Variants in PAICS observed in about 807,000 individuals in gnomAD.
The protein encoded by PAICS is phosphoribosylaminoimidazole carboxylase and phosphoribosylaminoimidazolesuccinocarboxamide synthase, also known as bifunctional phosphoribosylaminoimidazole carboxylase/phosphoribosylaminoimidazole succinocarboxamide synthetase.
PAICS carries 33 observed loss-of-function variants against 53.7 expected under a neutral mutation model. That is an observed-to-expected ratio of 0.61 (90% CI 0.47 to 0.82). The LOEUF is 0.82. Ranked by LOEUF, PAICS falls within the 40% of genes least tolerant of loss-of-function variation. PAICS has a pLI of 0.00. For synonymous variants in PAICS, 141 were observed against 167.2 expected, an observed-to-expected ratio of 0.84 and a Z score of 1.21; for missense variants, 394 against 494.1, an observed-to-expected ratio of 0.80 and a Z score of 1.92.
At chr4:56,443,761 T>G (rs1324548868) in intron 2 of PAICS, among the ~76,000 whole-genome samples, 1 of 152,194 alleles carries the variant, frequency 6.6e-6, no homozygotes, top group Non-Finnish European at 1.5e-5. Flanking sequence ...GTGACTCAGT[T>G]GTGTTATGTT....
chr4:56,435,433 G>A (rs774868196), upstream of PAICS: 6 of 1,613,830 alleles, frequency 3.7e-6, no homozygotes, highest in East Asian at 6.7e-5. Context: ...CGATGCACCC[G>A]AACACGCCAC....
chr4:56,415,204 CAATAA>C, the PAICS span, among the ~76,000 whole-genome samples: 2 of 151,892 alleles, frequency 1.3e-5, no homozygotes, highest in Admixed American at 6.6e-5. Flanking sequence ...TTTTGTTACT[CAATAA>C]AATAGAAGTG....
At chr4:56,456,605 C>A (rs1372701117) in intron 8 of PAICS, among the ~76,000 whole-genome samples, 1 of 151,856 alleles carries the variant, frequency 6.6e-6, no homozygotes, top group East Asian at 1.9e-4. Context: ...GATGGGCACT[C>A]CGTATGTTGT....
chr4:56,429,961 T>C, the PAICS span, among the ~76,000 whole-genome samples: 1 of 152,176 alleles, frequency 6.6e-6, no homozygotes, highest in Non-Finnish European at 1.5e-5. Flanking sequence ...TAGTCCATTG[T>C]AAAAATATAC....
At chr4:56,435,471 G>C (rs1717856786), upstream of PAICS, 1 of 1,613,370 alleles carries the variant, frequency 6.2e-7, no homozygotes, top group African/African-American at 1.3e-5. Context: ...AACTCCTCCA[G>C]CTCCATGTCG....
At chr4:56,423,868 T>C in the PAICS span, among the ~76,000 whole-genome samples, 3 of 152,148 alleles carry the variant, frequency 2.0e-5, no homozygotes, top group Non-Finnish European at 2.9e-5. Context: ...GGATTTTAGG[T>C]ACACCTGCAA....
At chr4:56,435,276 G>A (rs867835233), upstream of PAICS, 7 of 1,595,482 alleles carry the variant, frequency 4.4e-6, no homozygotes, top group African/African-American at 2.7e-5. Flanking sequence ...GGGCGCTCAT[G>A]AGAACGCCGA....
At chr4:56,442,028 G>A (rs886576623) in intron 2 of PAICS, 168 bp downstream of exon 2, 3 of 527,514 alleles carry the variant, frequency 5.7e-6, no homozygotes, top group Non-Finnish European at 1.0e-5. Context: ...CACCTTATTT[G>A]GTTTGGGATT....
Position 56,450,489 on chromosome 4 carries a change from G to C in PAICS, c.688-130G>C, listed in dbSNP as rs1341111631. The C allele has an allele frequency of 5.0e-6, 3 of 599,274 alleles. No individual in the cohort carries two copies. The African/African-American group carries it at 5.6e-5, about 11-fold the overall frequency. The allele number at this position is 599,274 out of a possible 1,614,324, so 37.1% of individuals were successfully genotyped here. A position where few individuals can be genotyped will look rare whatever the true frequency, so the allele number is the denominator to read the frequency against. On this transcript the variant is annotated intron_variant, in intron 5 of 8. Transcript: ENST00000512576. ...ACTTTGTTAGTTTAATTCAGGAAGT[G>C]AAAAGATGCATTTTCAGAAGTATCC... is the stretch of plus-strand genomic sequence containing the variant.
intron 8 of PAICS, among the ~76,000 whole-genome samples, chr4:56,455,417 T>C (rs1279480095): frequency 6.6e-6 from 1 of 152,198 alleles, no homozygotes; most frequent in African/African-American, 2.4e-5. Context: ...TCCAGTGGAC[T>C]GGCTTCTCTC....
chr4:56,433,407 A>AG (rs1167402105), upstream of PAICS, among the ~76,000 whole-genome samples: 4 of 149,608 alleles, frequency 2.7e-5, no homozygotes, highest in African/African-American at 1.0e-4. Flanking sequence ...TAAAAAAAAA[A>AG]AAAAAGAAAA....
chr4:56,410,594 C>G, the PAICS span: 11 of 985,690 alleles, frequency 1.1e-5, no homozygotes, highest in African/African-American at 1.9e-4. Context: ...AAAAAATATA[C>G]GAAAACAACT....
the PAICS span, among the ~76,000 whole-genome samples, chr4:56,413,292 T>G: frequency 5.9e-5 from 9 of 152,182 alleles, no homozygotes; most frequent in African/African-American, 2.2e-4. Context: ...GAGCTGGGAT[T>G]AGAGGCGCAA....
At chr4:56,436,028 G>GC, upstream of PAICS, 6 of 1,521,276 alleles carry the variant, frequency 3.9e-6, no homozygotes, top group Non-Finnish European at 5.3e-6. Flanking sequence ...GCCACTTTTC[G>GC]CCTGTCCGGG....
At chr4:56,412,513 G>T in the PAICS span, among the ~76,000 whole-genome samples, 1 of 151,998 alleles carries the variant, frequency 6.6e-6, no homozygotes, top group Non-Finnish European at 1.5e-5. Context: ...TGTTGCCCTG[G>T]CTGGTCTTGA....
At chr4:56,458,552 G>C (rs2110101323) in intron 8 of PAICS, among the ~76,000 whole-genome samples, 1 of 152,256 alleles carries the variant, frequency 6.6e-6, no homozygotes, top group African/African-American at 2.4e-5. Context: ...GAAGTAACTT[G>C]ACCAATACCA....
chr4:56,425,434 GA>G, the PAICS span: 3 of 931,810 alleles, frequency 3.2e-6, no homozygotes, highest in Non-Finnish European at 3.8e-6. Flanking sequence ...TTACAAATGT[GA>G]AAAAAGAAAG....
chr4:56,436,060 C>T (rs1163507301), upstream of PAICS: 101 of 1,501,064 alleles, frequency 6.7e-5, no homozygotes, highest in Non-Finnish European at 8.5e-5. Context: ...CGCGGGGCGG[C>T]CCGGAGGCGG....
chr4:56,449,198 C>T (rs1718773651), intron 5 of PAICS, among the ~76,000 whole-genome samples: 1 of 152,164 alleles, frequency 6.6e-6, no homozygotes, highest in African/African-American at 2.4e-5. Context: ...GGCCACATTT[C>T]TGCTCCTATA....
Sources: gnomAD v4.1 joint callset for allele counts (sites outside exome capture counted in the v4.1 genomes callset) on GRCh38, gnomAD v4.1.1 for gene constraint, MANE v1.5 for transcripts, NCBI Gene and HGNC (gene_info 2026-07-23, HGNC 2026-07-21) for gene names.